CAMK2N1: variants seen among roughly 807,000 people sequenced by gnomAD.
The protein encoded by CAMK2N1 is calcium/calmodulin-dependent protein kinase II inhibitor 1.
A neutral mutation model predicts 6.4 loss-of-function variants in CAMK2N1; 2 were observed. The ratio of observed to expected loss-of-function variants is 0.31; its 90% confidence interval spans 0.13 to 0.98. CAMK2N1 has a LOEUF of 0.98. CAMK2N1 is among the 50% of genes least tolerant of loss of function. CAMK2N1 has a pLI of 0.51. For synonymous variants in CAMK2N1, 42 were observed against 47.5 expected (o/e 0.88, Z 0.47); for missense variants, 77 against 107.3 (o/e 0.72, Z 1.25).
Position 20,483,459 on chromosome 1 carries a change from G to A in CAMK2N1, c.*190C>T, listed in dbSNP as rs979647006. ...TTTTATTTTTGCAGAGGAGCCCAGA[G>A]CCTTCTCCTCCTCCTCCTCCTCCTC... On this transcript the variant is annotated 3_prime_UTR_variant, in exon 2 of 2. Transcript: ENST00000375078. 4 of 464,310 alleles carry A rather than the reference G, an allele frequency of 8.6e-6. No individual in the cohort carries two copies. Among genetic ancestry groups the A allele is most frequent in the Non-Finnish European group, 1.2e-5 (3 of 260,104 alleles). 28.8% of individuals were successfully genotyped at this position (464,310 alleles called of 1,614,324 possible).
In CAMK2N1 at chr1:20,485,538, G is replaced by A; in HGVS notation, c.-159C>T. 3.0e-6 allele frequency: 1 copy of A among 338,652 alleles called. No homozygotes were observed. Among genetic ancestry groups the A allele is most frequent in the Non-Finnish European group, 4.1e-6 (1 of 240,978 alleles). The allele number at this position is 338,652 out of a possible 1,614,324, so 21.0% of individuals were successfully genotyped here. A position where few individuals can be genotyped will look rare whatever the true frequency, so the allele number is the denominator to read the frequency against. The stretch of plus-strand genomic sequence containing the variant: ...CGAGAGGCCGGGGGACGCCGCTAGG[G>A]CAAGAGCGCGGCACTCGCGCGAGCG... On this transcript the variant is annotated 5_prime_UTR_variant, in exon 1 of 2. Coordinates refer to ENST00000375078, the MANE Select transcript of CAMK2N1 (RefSeq NM_018584.6). This position sits in a 1 kb window ranked among gnomAD's most constrained non-coding sequence, Gnocchi z 8.4.
In CAMK2N1 at chr1:20,485,184, G is replaced by T; in HGVS notation, c.166+30C>A. On this transcript the variant is annotated intron_variant, in intron 1 of 1. Coordinates refer to ENST00000375078, the MANE Select transcript of CAMK2N1 (RefSeq NM_018584.6). The surrounding 1 kb of genome is among the most constrained non-coding windows in gnomAD (Gnocchi z 8.4). ...TTCAGGCCGCGGCGCGGGAAAAAGG[G>T]GGTGTCAGACAAGGGGGCCGCGAAC... The T allele has an allele frequency of 6.4e-7, 1 of 1,573,834 alleles. No homozygotes were observed. The highest frequency in any genetic ancestry group is 2.4e-5 in the East Asian group (1 of 41,948).
Position 20,484,574 on chromosome 1 carries a change from C to T in CAMK2N1, c.166+640G>A, listed in dbSNP as rs1477159115. On this transcript the variant is annotated intron_variant, in intron 1 of 1. Coordinates refer to ENST00000375078, the MANE Select transcript of CAMK2N1 (RefSeq NM_018584.6). The surrounding 1 kb of genome is among the most constrained non-coding windows in gnomAD (Gnocchi z 6.8). ...TCGGGAGCTTTGTCTCGGTCTCTGC[C>T]ACCCTCGGTCTCCCGCGTACCCCCT... 1 of 152,210 alleles carries T rather than the reference C, an allele frequency of 6.6e-6. No homozygotes were observed. The highest frequency in any genetic ancestry group is 1.5e-5 in the Non-Finnish European group (1 of 68,158). 9.4% of individuals were successfully genotyped at this position (152,210 alleles called of 1,614,324 possible).
chr1:20,485,368 C>T lies in CAMK2N1; in HGVS notation c.12G>A (p.Val4=). The T allele has an allele frequency of 7.1e-7, 1 of 1,413,820 alleles. No individual in the cohort carries two copies. The highest frequency in any genetic ancestry group is 9.3e-7 in the Non-Finnish European group (1 of 1,080,426). The allele number at this position is 1,413,820 out of a possible 1,614,324, so 87.6% of individuals were successfully genotyped here. A position where few individuals can be genotyped will look rare whatever the true frequency, so the allele number is the denominator to read the frequency against. Residue 4 remains valine, a synonymous_variant, in exon 1 of 2, where the codon GTG becomes GTA. Coordinates refer to ENST00000375078, the MANE Select transcript of CAMK2N1 (RefSeq NM_018584.6). This position sits in a 1 kb window ranked among gnomAD's most constrained non-coding sequence, Gnocchi z 8.4. Reference sequence around the variant, plus strand: ...TCAGCTTCTCGTCGCCGTAGGGCAGCACCTCCGACATGGTCGCGTCCGGGG... The same window carrying T: ...TCAGCTTCTCGTCGCCGTAGGGCAGTACCTCCGACATGGTCGCGTCCGGGG... MSE[V]LPYGDEKLSP...
At chr1:20,483,750 G>A (rs567511978) in intron 1 of CAMK2N1, 31 bp from the exon 2 acceptor site, 2 of 1,591,220 alleles carry the variant, frequency 1.3e-6, no homozygotes, top group South Asian at 2.2e-5. Context: ...AGAGAGGTGA[G>A]CGCGCTGGGG....
At position 20,484,343 on chromosome 1, in the gene CAMK2N1, T is replaced by C. The variant is rs1557509078; in HGVS notation, c.167-624A>G. 6.6e-6 allele frequency: 1 copy of C among 152,504 alleles called. No homozygotes were observed. Among genetic ancestry groups the C allele is most frequent in the African/African-American group, 2.4e-5 (1 of 41,462 alleles). 9.4% of individuals were successfully genotyped at this position (152,504 alleles called of 1,614,324 possible). On this transcript the variant is annotated intron_variant, in intron 1 of 1. Transcript: ENST00000375078. The surrounding 1 kb of genome is among the most constrained non-coding windows in gnomAD (Gnocchi z 6.8). The stretch of plus-strand genomic sequence containing the variant: ...CCCTTCGCTGCCTGCCAGGGACACA[T>C]GCCGTAACCTCGGCCTCTCTTACCG...
chr1:20,483,816 G>A, intron 1 of CAMK2N1, 97 bp from the exon 2 acceptor site: 1 of 1,111,382 alleles, frequency 9.0e-7, no homozygotes, highest in East Asian at 2.4e-5. Flanking sequence ...GGTCGGGAGA[G>A]GAGAGGGCGA....
In CAMK2N1 at chr1:20,484,936, G is replaced by A. The variant is rs572358067; in HGVS notation, c.166+278C>T. On this transcript the variant is annotated intron_variant, in intron 1 of 1. Coordinates refer to ENST00000375078, the MANE Select transcript of CAMK2N1 (RefSeq NM_018584.6). The surrounding 1 kb of genome is among the most constrained non-coding windows in gnomAD (Gnocchi z 6.8). ...ACTGCGCAAAAGGCGGGGGTGGGGGGCGCAAATCAAAAAGCAAACTTTGCC... is the reference window on the plus strand; with the variant it reads ...ACTGCGCAAAAGGCGGGGGTGGGGGACGCAAATCAAAAAGCAAACTTTGCC... Among the ~76,000 whole-genome samples, 2 of 152,168 alleles carry A rather than the reference G, an allele frequency of 1.3e-5. No individual in the cohort carries two copies. Among genetic ancestry groups the A allele is most frequent in the Admixed American group, 6.5e-5 (1 of 15,292 alleles).
At position 20,485,455 on chromosome 1, in the gene CAMK2N1, T is replaced by C. The variant is rs1285609254; in HGVS notation, c.-76A>G. 3 of 1,066,078 alleles carry C rather than the reference T, an allele frequency of 2.8e-6. No homozygotes were observed. Among genetic ancestry groups the C allele is most frequent in the Admixed American group, 1.1e-4 (2 of 18,788 alleles). The allele number at this position is 1,066,078 out of a possible 1,614,324, so 66.0% of individuals were successfully genotyped here. A position where few individuals can be genotyped will look rare whatever the true frequency, so the allele number is the denominator to read the frequency against. On this transcript the variant is annotated 5_prime_UTR_variant, in exon 1 of 2. Coordinates refer to ENST00000375078, the MANE Select transcript of CAMK2N1 (RefSeq NM_018584.6). The surrounding 1 kb of genome is among the most constrained non-coding windows in gnomAD (Gnocchi z 8.4). ...CCGCGGCGGACAGGGTCAGCGGCGCTGGGGCCGGGGGCGGCCGGCCGGGGA... is the reference window on the plus strand; with the variant it reads ...CCGCGGCGGACAGGGTCAGCGGCGCCGGGGCCGGGGGCGGCCGGCCGGGGA...
rs1295704171 is a variant in CAMK2N1, at chr1:20,482,421, A to G, written c.*1228T>C. On this transcript the variant is annotated 3_prime_UTR_variant, in exon 2 of 2. Coordinates refer to ENST00000375078, the MANE Select transcript of CAMK2N1 (RefSeq NM_018584.6). ...CACAGGAACAATTCTTTTATTGTAC[A>G]TTGGAGAAATAGCCCTGTGTGCTGG... 7.1e-6 allele frequency: 1 copy of G among 141,788 alleles called. No homozygotes were observed. The highest frequency in any genetic ancestry group is 1.5e-5 in the Non-Finnish European group (1 of 66,582). The allele number at this position is 141,788 out of a possible 1,614,324, so 8.8% of individuals were successfully genotyped here.
At chr1:20,483,819 G>T in intron 1 of CAMK2N1, 100 bp from the exon 2 acceptor site, 2 of 1,035,312 alleles carry the variant, frequency 1.9e-6, no homozygotes, top group Non-Finnish European at 3.0e-6. Context: ...CGGGAGAGGA[G>T]AGGGCGAGGG....
At chr1:20,483,751 C>T (rs373097619) in intron 1 of CAMK2N1, 32 bp from the exon 2 acceptor site, 10 of 1,589,902 alleles carry the variant, frequency 6.3e-6, no homozygotes, top group Non-Finnish European at 7.8e-6. Flanking sequence ...GAGAGGTGAG[C>T]GCGCTGGGGC....
chr1:20,483,376 C>A lies in CAMK2N1; in HGVS notation c.*273G>T, dbSNP rs1283601339. ...CTGCAACTGAGACTTCTTTTTATTT[C>A]TTTATATGTGTATATAGTGAATTTT... On this transcript the variant is annotated 3_prime_UTR_variant, in exon 2 of 2. Coordinates refer to ENST00000375078, the MANE Select transcript of CAMK2N1 (RefSeq NM_018584.6). 1.1e-5 allele frequency: 2 copies of A among 188,330 alleles called. No homozygotes were observed. Among genetic ancestry groups the A allele is most frequent in the Non-Finnish European group, 2.1e-5 (2 of 93,294 alleles). The allele number at this position is 188,330 out of a possible 1,614,324, so 11.7% of individuals were successfully genotyped here. A position where few individuals can be genotyped will look rare whatever the true frequency, so the allele number is the denominator to read the frequency against.
rs2051508690 is a variant in CAMK2N1 at position 20,485,856 on chromosome 1, G to T, written c.-477C>A. 3 of 151,534 alleles carry T rather than the reference G, an allele frequency of 2.0e-5. No homozygotes were observed. In the South Asian group the frequency reaches 5.5e-4, roughly 28 times the overall value. The allele number at this position is 151,534 out of a possible 1,614,324, so 9.4% of individuals were successfully genotyped here. A position where few individuals can be genotyped will look rare whatever the true frequency, so the allele number is the denominator to read the frequency against. On this transcript the variant is annotated 5_prime_UTR_variant, in exon 1 of 2. Coordinates refer to ENST00000375078, the MANE Select transcript of CAMK2N1 (RefSeq NM_018584.6). The surrounding 1 kb of genome is among the most constrained non-coding windows in gnomAD (Gnocchi z 8.4). ...GGAGCTGCGAGCGGCGGGGCTGCGA[G>T]GGGCGGAGGGGGAGGGGAGGGAGAG...
In CAMK2N1 at chr1:20,482,603, G is replaced by T. The variant is rs777796479; in HGVS notation, c.*1046C>A. ...ATACCATGCAAAACAGGCAGCTGGT[G>T]TGCCTTAAGAGAATCCCTATAAATA... is the stretch of plus-strand genomic sequence containing the variant. On this transcript the variant is annotated 3_prime_UTR_variant, in exon 2 of 2. Coordinates refer to ENST00000375078, the MANE Select transcript of CAMK2N1 (RefSeq NM_018584.6). 5 of 152,574 alleles carry T rather than the reference G, an allele frequency of 3.3e-5. No homozygotes were observed. The highest frequency in any genetic ancestry group is 7.3e-5 in the Non-Finnish European group (5 of 68,040). 9.5% of individuals were successfully genotyped at this position (152,574 alleles called of 1,614,324 possible).
chr1:20,485,242 C>T lies in CAMK2N1; in HGVS notation c.138G>A (p.Lys46=). 1 of 1,596,850 alleles carries T rather than the reference C, an allele frequency of 6.3e-7. No homozygotes were observed. The highest frequency in any genetic ancestry group is 8.5e-7 in the Non-Finnish European group (1 of 1,174,498). ...GCTTGCTCCGGCCGATCTGGCCCAG[C>T]TTGGGCGGCCGCTTGTTCTGCCCGG... ...FGAGQNKRPP[K]LGQIGRSKRV... The change falls in exon 1 of 2, where the codon AAG becomes AAA. Residue 46 remains lysine (K), a synonymous_variant. Transcript: ENST00000375078. The surrounding 1 kb of genome is among the most constrained non-coding windows in gnomAD (Gnocchi z 8.4).
In CAMK2N1 at chr1:20,483,822, G is replaced by A. The variant is rs571241734; in HGVS notation, c.167-103C>T. On this transcript the variant is annotated intron_variant, in intron 1 of 1. Transcript: ENST00000375078. ...AGAGTGGGAGGTCGGGAGAGGAGAG[G>A]GCGAGGGAGCAGGGCTCACTGCGCG... 1.6e-5 allele frequency: 17 copies of A among 1,037,072 alleles called. No individual in the cohort carries two copies. In the East Asian group the frequency reaches 4.1e-4, roughly 25 times the overall value. 64.2% of individuals were successfully genotyped at this position (1,037,072 alleles called of 1,614,324 possible).
In CAMK2N1 at chr1:20,484,022, C is replaced by G. The variant is rs2051489995; in HGVS notation, c.167-303G>C. Among the ~76,000 whole-genome samples, 1 of 152,262 alleles carries G rather than the reference C, an allele frequency of 6.6e-6. No homozygotes were observed. The highest frequency in any genetic ancestry group is 2.4e-5 in the African/African-American group (1 of 41,468). On this transcript the variant is annotated intron_variant, in intron 1 of 1. Transcript: ENST00000375078. This position sits in a 1 kb window ranked among gnomAD's most constrained non-coding sequence, Gnocchi z 6.8. The stretch of plus-strand genomic sequence containing the variant: ...CAGGGCGCGCACTGGCCCGCGTCCT[C>G]CCCGCACCAGGCGCACTAATTTAGA...
At position 20,485,092 on chromosome 1, in the gene CAMK2N1, TTCTGCAAGAAGGGATTCCGTCAGG is replaced by T; in HGVS notation, c.166+98_166+121del. On this transcript the variant is annotated intron_variant, in intron 1 of 1. Transcript: ENST00000375078. This position sits in a 1 kb window ranked among gnomAD's most constrained non-coding sequence, Gnocchi z 8.4. ...GGACCCGCAGTGCGGGATCCCCCAATTCTGCAAGAAGGGATTCCGTCAGGTCTGAACGGGCTCCAGCGGGTGGGA... is the reference window on the plus strand; with the variant it reads ...GGACCCGCAGTGCGGGATCCCCCAATTCTGAACGGGCTCCAGCGGGTGGGA... The T allele has an allele frequency of 1.7e-6, 2 of 1,146,124 alleles. No homozygotes were observed. The highest frequency in any genetic ancestry group is 3.3e-5 in the South Asian group (2 of 59,760). The allele number at this position is 1,146,124 out of a possible 1,614,324, so 71.0% of individuals were successfully genotyped here. A position where few individuals can be genotyped will look rare whatever the true frequency, so the allele number is the denominator to read the frequency against.
Sources: allele counts gnomAD v4.1 joint callset (sites outside exome capture counted in the v4.1 genomes callset), GRCh38; gene constraint gnomAD v4.1.1; non-coding constraint Gnocchi (gnomAD v3.1); transcripts MANE v1.5; gene names NCBI Gene and HGNC (gene_info 2026-07-23, HGNC 2026-07-21).